Variants in LRCH1 observed in about 807,000 individuals in gnomAD.
LRCH1 encodes leucine rich repeats and calponin homology domain containing 1.
In LRCH1, 23 loss-of-function variants were observed where a neutral mutation model predicts 94.9. The observed-to-expected ratio is 0.24, with a 90% CI of 0.17 to 0.34. The LOEUF (loss-of-function observed/expected upper bound fraction) is 0.34. Among genes scored for constraint, LRCH1 ranks in the 10% least tolerant of loss-of-function variants. The pLI, the probability that LRCH1 is intolerant of heterozygous loss-of-function variation, is 1.00. For synonymous variants in LRCH1, 364 were observed against 354.9 expected, an observed-to-expected ratio of 1.03 and a Z score of -0.29; for missense variants, 790 against 945.9, an observed-to-expected ratio of 0.84 and a Z score of 2.16.
rs188118201 is a variant in LRCH1, at chr13:46,573,083, A to G, written c.307+19380A>G. Among the ~76,000 whole-genome samples the G allele has an allele frequency of 2.1e-3, 326 of 152,326 alleles. 1 individual carries two copies. Among genetic ancestry groups the G allele is most frequent in the Non-Finnish European group, 4.0e-3 (269 of 68,034 alleles). On this transcript the variant is annotated intron_variant, in intron 1 of 19. Coordinates refer to ENST00000389797, the MANE Select transcript of LRCH1 (RefSeq NM_001164211.2). ...AGTGCAGAGCAATGCCTGGCATCTG[A>G]GAGACATTCAATACATGTTAACTCT...
chr13:46,719,892 G>C (rs1351566309), intron 16 of LRCH1, among the ~76,000 whole-genome samples: 1 of 152,054 alleles, frequency 6.6e-6, no homozygotes, highest in Non-Finnish European at 1.5e-5. Context: ...CAGCTATCTG[G>C]GGGGCTTAGG....
At position 46,623,702 on chromosome 13, in the gene LRCH1, T is replaced by C. The variant is rs568737722; in HGVS notation, c.308-26499T>C. 2.7e-5 allele frequency among the ~76,000 whole-genome samples: 4 copies of C among 150,404 alleles called. No homozygotes were observed. In the South Asian group the frequency reaches 6.3e-4, roughly 24 times the overall value. On this transcript the variant is annotated intron_variant, in intron 1 of 19. Coordinates refer to ENST00000389797, the MANE Select transcript of LRCH1 (RefSeq NM_001164211.2). ...TGTGTACCCTGTCTCTGTTTTTTTT[T>C]TTTTTCTTTTTCTTTTTTTTTTATT... is the stretch of plus-strand genomic sequence containing the variant.
chr13:46,653,675 AC>A (rs1245241659), intron 2 of LRCH1, among the ~76,000 whole-genome samples: 6 of 151,656 alleles, frequency 4.0e-5, no homozygotes, highest in Admixed American at 3.3e-4. Context: ...AAAAAAAAAT[AC>A]AAAAAGTAGC....
chr13:46,670,658 C>CCA (rs2051586732), intron 3 of LRCH1, among the ~76,000 whole-genome samples: 1 of 151,754 alleles, frequency 6.6e-6, no homozygotes. Context: ...TGCCCATCCC[C>CCA]CCCCAACCCT....
At position 46,743,289 on chromosome 13, in the gene LRCH1, ATATATT is replaced by A. The variant is rs1873757612; in HGVS notation, c.*1446_*1451del. 1.0e-6 allele frequency: 1 copy of A among 985,492 alleles called. No homozygotes were observed. Among genetic ancestry groups the A allele is most frequent in the African/African-American group, 1.7e-5 (1 of 57,240 alleles). 61.0% of individuals were successfully genotyped at this position (985,492 alleles called of 1,614,324 possible). A position where few individuals can be genotyped will look rare whatever the true frequency, so the allele number is the denominator to read the frequency against. ...ATGGAAGACCCACATAGTTAGAAGAATATATTTATAAAGATTCCTTGCTGCTAAGTC... is the reference window on the plus strand; with the variant it reads ...ATGGAAGACCCACATAGTTAGAAGAATATAAAGATTCCTTGCTGCTAAGTC... On this transcript the variant is annotated 3_prime_UTR_variant, in exon 20 of 20. Coordinates refer to ENST00000389797, the MANE Select transcript of LRCH1 (RefSeq NM_001164211.2).
downstream of LRCH1, among the ~76,000 whole-genome samples, chr13:46,747,511 CGTT>C (rs1873956810): frequency 6.6e-6 from 1 of 152,194 alleles, no homozygotes; most frequent in South Asian, 2.1e-4. Context: ...TAAGCTGTGT[CGTT>C]CACAGAGATT....
rs976988609 is a variant in LRCH1, at chr13:46,580,883, G to T, written c.307+27180G>T. Among the ~76,000 whole-genome samples the T allele has an allele frequency of 9.9e-5, 15 of 152,216 alleles. 1 individual carries two copies. Among genetic ancestry groups the T allele is most frequent in the African/African-American group, 3.6e-4 (15 of 41,452 alleles). On this transcript the variant is annotated intron_variant, in intron 1 of 19. Transcript: ENST00000389797. ...TGGTTCTAATAAAGTTCTAGGAAAA[G>T]GGGCTTATGCACAAAGGCTGAGCTC...
At chr13:46,641,962 G>A (rs1393180401) in intron 1 of LRCH1, among the ~76,000 whole-genome samples, 1 of 152,204 alleles carries the variant, frequency 6.6e-6, no homozygotes, top group Non-Finnish European at 1.5e-5. Flanking sequence ...AGAGGCGGAC[G>A]TGGGGAGGAC....
At position 46,688,764 on chromosome 13, in the gene LRCH1, A is replaced by C. The variant is rs1358566221; in HGVS notation, c.951-369A>C. 2.6e-5 allele frequency among the ~76,000 whole-genome samples: 4 copies of C among 152,218 alleles called. No homozygotes were observed. In the East Asian group the frequency reaches 7.7e-4, roughly 29 times the overall value. ...GAAAGTAACCACATTTCATAACATA[A>C]GGGGTAAAAGCAGTTATGTGGTTTA... On this transcript the variant is annotated intron_variant, in intron 6 of 19. Coordinates refer to ENST00000389797, the MANE Select transcript of LRCH1 (RefSeq NM_001164211.2).
chr13:46,574,978 T>C (rs1172532420), intron 1 of LRCH1, among the ~76,000 whole-genome samples: 3 of 152,164 alleles, frequency 2.0e-5, no homozygotes, highest in African/African-American at 7.2e-5. Flanking sequence ...GTTTACATGA[T>C]GTATCTATAA....
intron 1 of LRCH1, 136 bp downstream of exon 1, chr13:46,553,839 G>A (rs1227256163): frequency 6.7e-7 from 1 of 1,493,976 alleles, no homozygotes; most frequent in Admixed American, 2.1e-5. Context: ...GTCTCCCGAA[G>A]AAGGGACTCG....
At chr13:46,565,745 G>C (rs1420565081) in intron 1 of LRCH1, among the ~76,000 whole-genome samples, 1 of 151,498 alleles carries the variant, frequency 6.6e-6, no homozygotes, top group Non-Finnish European at 1.5e-5. Flanking sequence ...GGGAGGCGGA[G>C]GTTGCAGTGA....
At chr13:46,751,281 T>C (rs998916698) in exon 19 of LRCH1, 6 of 152,152 alleles carry the variant, frequency 3.9e-5, no homozygotes, top group Non-Finnish European at 8.8e-5. Flanking sequence ...TGTGCGGTAG[T>C]TTAGGTCTCA....
At chr13:46,615,518 A>G (rs192788344) in intron 1 of LRCH1, among the ~76,000 whole-genome samples, 1 of 151,328 alleles carries the variant, frequency 6.6e-6, no homozygotes, top group East Asian at 1.9e-4. Flanking sequence ...GGGGGAAAAA[A>G]CCTCCAAACC....
At chr13:46,740,375 A>G (rs932846928) in intron 19 of LRCH1, among the ~76,000 whole-genome samples, 3 of 152,242 alleles carry the variant, frequency 2.0e-5, no homozygotes, top group African/African-American at 4.8e-5. Flanking sequence ...ATAAAATAAA[A>G]TTAGAATGTT....
chr13:46,748,624 G>T (rs1214315602), downstream of LRCH1, among the ~76,000 whole-genome samples: 1 of 152,156 alleles, frequency 6.6e-6, no homozygotes, highest in Non-Finnish European at 1.5e-5. Context: ...ATTGTTAACA[G>T]CCTGGCTCAC....
At chr13:46,648,503 C>T (rs943434252) in intron 1 of LRCH1, among the ~76,000 whole-genome samples, 2 of 152,204 alleles carry the variant, frequency 1.3e-5, no homozygotes, top group African/African-American at 4.8e-5. Flanking sequence ...CAGGCGAGCT[C>T]ATCCTCTCAG....
rs2051562260 is a variant in LRCH1 at position 46,669,032 on chromosome 13, G to T, written c.455G>T (p.Arg152Leu). The T allele has an allele frequency of 6.2e-7, 1 of 1,613,428 alleles. No homozygotes were observed. Among genetic ancestry groups the T allele is most frequent in the African/African-American group, 1.3e-5 (1 of 74,796 alleles). ...TTCTTGTTGTATTGTCTTTGCAGTC[G>T]AAATCAGCTGTCCGCCCTGCCTGCC... Reference protein sequence around the residue: ...LQMLTYLNLSRNQLSALPACL... With the variant: ...LQMLTYLNLSLNQLSALPACL... Residue 152 changes from arginine (R) to leucine (L), a missense_variant and splice_region_variant, in exon 3 of 20, where the codon CGA becomes CTA. Physicochemically the swap from Arg to Leu is moderately radical, Grantham distance 102. Around this residue, in one of 3 missense-constraint regions of LRCH1, gnomAD observed 194 missense variants for 293.5 expected, o/e 0.66. Transcript: ENST00000389797.
At chr13:46,711,030 A>G (rs1378679760) in intron 13 of LRCH1, among the ~76,000 whole-genome samples, 1 of 152,038 alleles carries the variant, frequency 6.6e-6, no homozygotes, top group Non-Finnish European at 1.5e-5. Context: ...AAATAATAAT[A>G]ACTTCGAAAC....
Sources: allele counts gnomAD v4.1 joint callset (sites outside exome capture counted in the v4.1 genomes callset), GRCh38; gene constraint gnomAD v4.1.1; regional missense constraint gnomAD v4.1.1; transcripts MANE v1.5; gene names NCBI Gene and HGNC (gene_info 2026-07-23, HGNC 2026-07-21).